The following AP4E1 variants were observed in gnomAD, a reference collection of about 807,000 sequenced individuals.
AP4E1 encodes the protein AP-4 complex subunit epsilon-1.
In AP4E1, 56 loss-of-function variants were observed where a neutral mutation model predicts 128.2. The ratio of observed to expected loss-of-function variants is 0.44; its 90% CI spans 0.35 to 0.55. The LOEUF (loss-of-function observed/expected upper bound fraction) is 0.55. Among genes scored for constraint, AP4E1 ranks in the 20% least tolerant of loss-of-function variants. The pLI, the probability that AP4E1 is intolerant of heterozygous loss-of-function variation, is 0.00. For missense variants in AP4E1, 1,324 were observed against 1,307.7 expected (o/e 1.01, Z -0.19); for synonymous variants, 484 against 473.1 (o/e 1.02, Z -0.30).
At chr15:50,938,805 C>T (rs901407189) in intron 8 of AP4E1, among the ~76,000 whole-genome samples, 1 of 152,118 alleles carries the variant, frequency 6.6e-6, no homozygotes, top group African/African-American at 2.4e-5. Context: ...TTGATACTCC[C>T]TCCAACAATA....
chr15:50,937,019 A>G (rs927079808), intron 8 of AP4E1, among the ~76,000 whole-genome samples: 1 of 151,376 alleles, frequency 6.6e-6, no homozygotes, highest in African/African-American at 2.4e-5. Flanking sequence ...TCACCTTGCT[A>G]CAGAAACCTT....
intron 8 of AP4E1, among the ~76,000 whole-genome samples, chr15:50,938,840 T>A (rs2063945480): frequency 6.6e-6 from 1 of 152,132 alleles, no homozygotes; most frequent in African/African-American, 2.4e-5. Context: ...CATCCCCAGG[T>A]ATCAAAGGAG....
intron 8 of AP4E1, among the ~76,000 whole-genome samples, 194 bp from the exon 9 acceptor site, chr15:50,941,248 A>G (rs2063982390): frequency 6.6e-6 from 1 of 152,178 alleles, no homozygotes; most frequent in African/African-American, 2.4e-5. Context: ...TTTTTTGAAC[A>G]TTGTATTGTG....
intron 14 of AP4E1, among the ~76,000 whole-genome samples, chr15:50,964,858 T>C (rs1051828935): frequency 6.6e-6 from 1 of 151,814 alleles, no homozygotes; most frequent in African/African-American, 2.4e-5. Flanking sequence ...GTTGTTTGGG[T>C]TATGAAGGCA....
chr15:50,962,412 T>C (rs918442825), intron 14 of AP4E1, among the ~76,000 whole-genome samples: 1 of 151,944 alleles, frequency 6.6e-6, no homozygotes, highest in African/African-American at 2.4e-5. Flanking sequence ...AAGAAAGACA[T>C]ACACACCAAT....
At chr15:50,965,630 C>G (rs1292610163) in intron 14 of AP4E1, among the ~76,000 whole-genome samples, 1 of 152,176 alleles carries the variant, frequency 6.6e-6, no homozygotes, top group Non-Finnish European at 1.5e-5. Context: ...CTTTTATACT[C>G]TCCGTGGCCA....
At chr15:50,995,124 A>T (rs189210815) in intron 17 of AP4E1, among the ~76,000 whole-genome samples, 20 of 152,252 alleles carry the variant, frequency 1.3e-4, no homozygotes, top group African/African-American at 4.8e-4. Context: ...CCTTCCTCTG[A>T]TACTGGGGCA....
intron 8 of AP4E1, 59 bp downstream of exon 8, chr15:50,934,756 T>A: frequency 9.0e-7 from 1 of 1,111,346 alleles, no homozygotes; most frequent in Non-Finnish European, 1.4e-6. Context: ...GTATTGCAGT[T>A]AAATCTGTGT....
chr15:50,968,885 T>C (rs1376922720), intron 15 of AP4E1, among the ~76,000 whole-genome samples: 1 of 152,146 alleles, frequency 6.6e-6, no homozygotes. Flanking sequence ...CCCAAAGTGC[T>C]AGGATTACAG....
intron 16 of AP4E1, among the ~76,000 whole-genome samples, chr15:50,989,322 A>G (rs2064772316): frequency 6.6e-6 from 1 of 152,190 alleles, no homozygotes; most frequent in African/African-American, 2.4e-5. Flanking sequence ...GTTCTTCTGT[A>G]TTTATTAAGA....
chr15:50,993,992 G>GT (rs1368568728), intron 17 of AP4E1, among the ~76,000 whole-genome samples: 1 of 152,136 alleles, frequency 6.6e-6, no homozygotes, highest in Non-Finnish European at 1.5e-5. Flanking sequence ...ATATATCTTT[G>GT]TAAAAAGTAC....
intron 15 of AP4E1, 99 bp downstream of exon 15, chr15:50,968,476 A>C: frequency 1.1e-6 from 1 of 925,302 alleles, no homozygotes. Flanking sequence ...ACTTTCTATT[A>C]TTTCTCTTTA....
intron 13 of AP4E1, among the ~76,000 whole-genome samples, chr15:50,951,605 G>C (rs2064150642): frequency 6.6e-6 from 1 of 151,828 alleles, no homozygotes; most frequent in Admixed American, 6.6e-5. Flanking sequence ...ATGTTAGCAT[G>C]TTAGCTTAAA....
intron 12 of AP4E1, 48 bp downstream of exon 12, chr15:50,949,986 G>A (rs1271073608): frequency 2.5e-6 from 4 of 1,592,316 alleles, no homozygotes; most frequent in Admixed American, 1.7e-5. Context: ...AAAGTTTAAT[G>A]TTTTTATTAC....
At position 50,925,223 on chromosome 15, in the gene AP4E1, A is replaced by G; in HGVS notation, c.542+4A>G. On this transcript the variant is annotated splice_donor_region_variant and intron_variant, in intron 5 of 20. Transcript: ENST00000261842. ...AAGATAAACTTCAACATTCTAAGTA[A>G]GTAAATTCTTTTGGGATAGGCATCT... 1 of 1,612,738 alleles carries G rather than the reference A, an allele frequency of 6.2e-7. No homozygotes were observed. Among genetic ancestry groups the G allele is most frequent in the Non-Finnish European group, 8.5e-7 (1 of 1,178,894 alleles).
intron 7 of AP4E1, among the ~76,000 whole-genome samples, chr15:50,934,003 A>C (rs988063861): frequency 2.6e-5 from 4 of 152,058 alleles, no homozygotes; most frequent in Non-Finnish European, 4.4e-5. Flanking sequence ...ACAAGCGTGG[A>C]GGCAGAGTGC....
At chr15:50,946,128 C>A (rs1449166720) in intron 10 of AP4E1, 2 of 525,574 alleles carry the variant, frequency 3.8e-6, no homozygotes, top group Non-Finnish European at 6.8e-6. Flanking sequence ...TATTGTTGCT[C>A]CTTTTAGCTA....
At chr15:50,986,233 T>C (rs892912129) in intron 16 of AP4E1, among the ~76,000 whole-genome samples, 3 of 152,204 alleles carry the variant, frequency 2.0e-5, no homozygotes, top group African/African-American at 4.8e-5. Flanking sequence ...TTTCTAGATA[T>C]ACAATCATGT....
intron 2 of AP4E1, among the ~76,000 whole-genome samples, chr15:50,913,329 A>G (rs576557764): frequency 6.6e-6 from 1 of 152,378 alleles, no homozygotes; most frequent in East Asian, 1.9e-4. Flanking sequence ...AACGTTAAAC[A>G]GAAATGGTTT....
Sources: gnomAD v4.1 joint callset for allele counts (sites outside exome capture counted in the v4.1 genomes callset) on GRCh38, gnomAD v4.1.1 for gene constraint, MANE v1.5 for transcripts, NCBI Gene and HGNC (gene_info 2026-07-23, HGNC 2026-07-21) for gene names.